Variants in NTAQ1 observed in about 807,000 individuals in gnomAD.
The protein encoded by NTAQ1 is protein N-terminal glutamine amidohydrolase.
In NTAQ1, 21 loss-of-function variants were observed where a neutral mutation model predicts 28.2. The ratio of observed to expected loss-of-function variants is 0.74; its 90% CI spans 0.53 to 1.07. The LOEUF is 1.07. NTAQ1 is among the 50% of genes least tolerant of loss of function. The pLI is 0.00. For synonymous variants in NTAQ1, 105 were observed against 90.0 expected (o/e 1.17, Z -0.94); for missense variants, 264 against 256.6 (o/e 1.03, Z -0.20).
Position 123,436,619 on chromosome 8 carries a change from G to T in NTAQ1, c.383+18G>T. ...TTTAGGAGGTGAGGACATTCAAGAT[G>T]GATTTACTTATTTTCTGAAGTAAGA... On this transcript the variant is annotated intron_variant, in intron 4 of 5. Coordinates refer to ENST00000287387, the MANE Select transcript of NTAQ1 (RefSeq NM_018024.3). The T allele has an allele frequency of 1.3e-6, 2 of 1,598,360 alleles. No individual in the cohort carries two copies. The highest frequency in any genetic ancestry group is 8.5e-7 in the Non-Finnish European group (1 of 1,174,510).
chr8:123,454,557 A>T (rs1046841769), intron 6 of NTAQ1, among the ~76,000 whole-genome samples: 13 of 152,094 alleles, frequency 8.5e-5, no homozygotes, highest in African/African-American at 2.9e-4. Context: ...TTTAGTAAAG[A>T]CGGGGTTTCT....
At chr8:123,470,042 A>T (rs1227322362), downstream of NTAQ1, among the ~76,000 whole-genome samples, 2 of 152,228 alleles carry the variant, frequency 1.3e-5, no homozygotes, top group African/African-American at 4.8e-5. Context: ...TGTGGTCCCC[A>T]TGATGGGATT....
chr8:123,420,239 A>G (rs1346810530), intron 1 of NTAQ1, among the ~76,000 whole-genome samples: 1 of 152,134 alleles, frequency 6.6e-6, no homozygotes, highest in Non-Finnish European at 1.5e-5. Context: ...TGCAAATGAC[A>G]TGATTTTTGT....
intron 6 of NTAQ1, among the ~76,000 whole-genome samples, chr8:123,458,518 A>C (rs1207551957): frequency 6.6e-6 from 1 of 152,048 alleles, no homozygotes; most frequent in African/African-American, 2.4e-5. Flanking sequence ...TATGGCATTA[A>C]GCTGCGATCT....
At chr8:123,428,156 C>T (rs1251223414) in intron 2 of NTAQ1, 133 bp downstream of exon 2, 3 of 582,424 alleles carry the variant, frequency 5.2e-6, no homozygotes, top group Non-Finnish European at 8.5e-6. Flanking sequence ...AATACAGCAA[C>T]ATTTAAAAGC....
chr8:123,470,075 CAA>C (rs906734991), downstream of NTAQ1, among the ~76,000 whole-genome samples: 14 of 152,162 alleles, frequency 9.2e-5, no homozygotes, highest in East Asian at 2.1e-3. Context: ...AGAAAAGAGA[CAA>C]GAGAGGTTCT....
intron 3 of NTAQ1, among the ~76,000 whole-genome samples, chr8:123,432,876 T>C (rs10956131): frequency 0.72 from 108,507 of 151,710 alleles, 39,121 homozygotes; most frequent in East Asian, 0.93. Flanking sequence ...GATGGGATTT[T>C]GCCATGTTGG....
chr8:123,432,140 T>G (rs948905055), intron 3 of NTAQ1, among the ~76,000 whole-genome samples: 5 of 152,000 alleles, frequency 3.3e-5, no homozygotes, highest in African/African-American at 1.2e-4. Context: ...CACCAGTGAG[T>G]AGTAGTGAGT....
intron 5 of NTAQ1, among the ~76,000 whole-genome samples, chr8:123,440,146 C>CTTTTTT (rs577877415): frequency 1.8e-4 from 10 of 56,572 alleles, no homozygotes; most frequent in East Asian, 6.4e-4. Context: ...GGATTAACTC[C>CTTTTTT]TTTTTTTTTT....
chr8:123,445,105 A>G (rs1331780206), downstream of NTAQ1, among the ~76,000 whole-genome samples: 1 of 152,196 alleles, frequency 6.6e-6, no homozygotes, highest in Non-Finnish European at 1.5e-5. Context: ...TTCAAAATGT[A>G]TAAAAGAGTA....
chr8:123,465,040 GAA>G (rs1352120144), intron 6 of NTAQ1, among the ~76,000 whole-genome samples: 2 of 151,720 alleles, frequency 1.3e-5, no homozygotes, highest in Middle Eastern at 3.4e-3. Flanking sequence ...TCTGTCTCAG[GAA>G]AAAAAAGTGT....
intron 6 of NTAQ1, among the ~76,000 whole-genome samples, chr8:123,453,826 C>T (rs970135717): frequency 2.6e-5 from 4 of 152,106 alleles, no homozygotes; most frequent in East Asian, 1.9e-4. Context: ...AATTAGGAAA[C>T]GTAGGCACAG....
downstream of NTAQ1, among the ~76,000 whole-genome samples, chr8:123,471,381 T>A (rs1048877170): frequency 6.6e-6 from 1 of 152,166 alleles, no homozygotes; most frequent in Non-Finnish European, 1.5e-5. Flanking sequence ...AGGACTTTGT[T>A]GTAGTCAGGG....
At chr8:123,456,231 A>G (rs10216826) in intron 6 of NTAQ1, among the ~76,000 whole-genome samples, 137,904 of 152,234 alleles carry the variant, frequency 0.91, 62,590 homozygotes, top group East Asian at 0.99. Flanking sequence ...ATGATCATCC[A>G]GCTTGTTCCT....
chr8:123,442,732 G>A (rs145900226), downstream of NTAQ1, among the ~76,000 whole-genome samples: 840 of 151,860 alleles, frequency 5.5e-3, 13 homozygotes, highest in African/African-American at 0.019. Context: ...GCAGCGGCAC[G>A]ATCTCGGCTC....
chr8:123,472,197 A>G (rs1455689925), downstream of NTAQ1, among the ~76,000 whole-genome samples: 1 of 152,192 alleles, frequency 6.6e-6, no homozygotes, highest in Admixed American at 6.5e-5. Context: ...GTGCTAAAAA[A>G]TATCCAAAGC....
chr8:123,434,057 A>T (rs542077257), intron 3 of NTAQ1, among the ~76,000 whole-genome samples: 5 of 151,962 alleles, frequency 3.3e-5, no homozygotes, highest in South Asian at 2.1e-4. Context: ...TACTCCAGTT[A>T]TCTCCATTTT....
chr8:123,417,496 G>A (rs920546492), intron 1 of NTAQ1, among the ~76,000 whole-genome samples: 3 of 152,096 alleles, frequency 2.0e-5, no homozygotes, highest in African/African-American at 4.8e-5. Flanking sequence ...GCAGGGCCAC[G>A]TAGCTTGTGA....
downstream of NTAQ1, among the ~76,000 whole-genome samples, chr8:123,443,994 A>G (rs563135756): frequency 9.9e-5 from 15 of 150,894 alleles, no homozygotes; most frequent in South Asian, 1.9e-3. Flanking sequence ...AGAGTTGTTT[A>G]TCGGGCTTAG....
Sources: gnomAD v4.1 joint callset for allele counts (sites outside exome capture counted in the v4.1 genomes callset) on GRCh38, gnomAD v4.1.1 for gene constraint, MANE v1.5 for transcripts, NCBI Gene and HGNC (gene_info 2026-07-23, HGNC 2026-07-21) for gene names.